Variants in INPP5A observed in about 807,000 individuals in gnomAD.
INPP5A encodes the protein inositol polyphosphate-5-phosphatase A.
In INPP5A, 14 loss-of-function variants were observed where a neutral mutation model predicts 65.2. That is an observed-to-expected ratio of 0.21 (90% confidence interval 0.14 to 0.34). The LOEUF (loss-of-function observed/expected upper bound fraction) is 0.34, where lower values mean the gene tolerates loss of function less well. Ranked by LOEUF, INPP5A falls within the 10% of genes least tolerant of loss-of-function variation. The pLI, the probability that INPP5A is intolerant of heterozygous loss-of-function variation, is 1.00. For missense variants in INPP5A, 431 were observed against 545.6 expected (o/e 0.79, Z 2.09); for synonymous variants, 207 against 208.3 (o/e 0.99, Z 0.05).
chr10:132,570,584 G>A (rs1243125817), intron 1 of INPP5A, among the ~76,000 whole-genome samples: 1 of 152,184 alleles, frequency 6.6e-6, no homozygotes, highest in Non-Finnish European at 1.5e-5. Context: ...GGAGAACTGG[G>A]CAACTTGGCC....
At chr10:132,660,300 T>C (rs1203544058) in intron 4 of INPP5A, among the ~76,000 whole-genome samples, 2 of 152,190 alleles carry the variant, frequency 1.3e-5, no homozygotes, top group Non-Finnish European at 2.9e-5. Context: ...TTTAGAGGTA[T>C]GGAGATAAAT....
chr10:132,711,562 C>A (rs532752476), intron 8 of INPP5A, among the ~76,000 whole-genome samples: 67 of 152,296 alleles, frequency 4.4e-4, no homozygotes, highest in African/African-American at 1.5e-3. Flanking sequence ...CTAGAGGGCC[C>A]CTGACCTGAG....
chr10:132,615,049 A>C (rs1448446291), intron 2 of INPP5A, among the ~76,000 whole-genome samples: 2 of 152,240 alleles, frequency 1.3e-5, no homozygotes, highest in Admixed American at 6.5e-5. Context: ...GTCAGTGTGG[A>C]GGACCCGATA....
At chr10:132,567,040 C>T (rs957780565) in intron 1 of INPP5A, among the ~76,000 whole-genome samples, 3 of 152,200 alleles carry the variant, frequency 2.0e-5, no homozygotes, top group Non-Finnish European at 4.4e-5. Context: ...CTGTAGGCTG[C>T]AGTAACAGAA....
At chr10:132,582,931 G>A (rs1035289474) in intron 1 of INPP5A, among the ~76,000 whole-genome samples, 2 of 152,160 alleles carry the variant, frequency 1.3e-5, no homozygotes, top group East Asian at 1.9e-4. Context: ...GTTGCATTCC[G>A]ACATAGATGT....
At chr10:132,586,562 G>T (rs1054620126) in intron 1 of INPP5A, among the ~76,000 whole-genome samples, 3 of 152,226 alleles carry the variant, frequency 2.0e-5, no homozygotes, top group African/African-American at 4.8e-5. Flanking sequence ...CTTGGCATGG[G>T]GGACTGGAGG....
chr10:132,749,642 C>A, intron 10 of INPP5A, 30 bp downstream of exon 10: 1 of 1,606,388 alleles, frequency 6.2e-7, no homozygotes, highest in Non-Finnish European at 8.5e-7. Flanking sequence ...GGGCAGGTGA[C>A]GCACGGGGCC....
At chr10:132,581,416 G>A (rs1422895827) in intron 1 of INPP5A, among the ~76,000 whole-genome samples, 4 of 152,210 alleles carry the variant, frequency 2.6e-5, no homozygotes, top group Admixed American at 2.6e-4. Context: ...ACCTAGGAGT[G>A]AAGTGGCAAT....
intron 8 of INPP5A, among the ~76,000 whole-genome samples, chr10:132,715,512 C>T (rs985982294): frequency 1.3e-5 from 2 of 152,174 alleles, no homozygotes; most frequent in Non-Finnish European, 2.9e-5. Flanking sequence ...AATTAGTTTC[C>T]CAGGGAGAGG....
At chr10:132,700,264 C>T (rs778859588) in intron 6 of INPP5A, among the ~76,000 whole-genome samples, 5 of 152,246 alleles carry the variant, frequency 3.3e-5, no homozygotes, top group Non-Finnish European at 5.9e-5. Context: ...GGGAAAGCAG[C>T]GTGTCGCTGT....
chr10:132,603,442 A>G lies in INPP5A; in HGVS notation c.76-4473A>G, dbSNP rs1449435206. On this transcript the variant is annotated intron_variant, in intron 1 of 15. Transcript: ENST00000368594. This position sits in a 1 kb window ranked among gnomAD's most constrained non-coding sequence, Gnocchi z 4.2. ...ACGTCATCCCAGTCTGCAGAGCTCC[A>G]GCAAGGAGGACAGGCTGTGCTTCAC... is the stretch of plus-strand genomic sequence containing the variant. Among the ~76,000 whole-genome samples, 1 of 152,234 alleles carries G rather than the reference A, an allele frequency of 6.6e-6. No homozygotes were observed. Among genetic ancestry groups the G allele is most frequent in the Admixed American group, 6.5e-5 (1 of 15,286 alleles).
chr10:132,653,758 C>T (rs937756831), intron 4 of INPP5A, among the ~76,000 whole-genome samples: 1 of 152,222 alleles, frequency 6.6e-6, no homozygotes, highest in Non-Finnish European at 1.5e-5. Context: ...AAGCTAGAAC[C>T]TTCAAAATCT....
chr10:132,757,994 T>C (rs1846659280), intron 11 of INPP5A, among the ~76,000 whole-genome samples: 1 of 142,824 alleles, frequency 7.0e-6, no homozygotes. Flanking sequence ...TGCAATGTTG[T>C]GGGTCTCTGG....
At chr10:132,774,199 G>A (rs1847004251) in intron 12 of INPP5A, among the ~76,000 whole-genome samples, 1 of 152,218 alleles carries the variant, frequency 6.6e-6, no homozygotes, top group African/African-American at 2.4e-5. Flanking sequence ...GGCAGCTGGT[G>A]TGTTTGGAAG....
At chr10:132,619,364 C>T (rs2072082631) in intron 2 of INPP5A, among the ~76,000 whole-genome samples, 1 of 152,256 alleles carries the variant, frequency 6.6e-6, no homozygotes, top group African/African-American at 2.4e-5. Flanking sequence ...TCAGGGCACA[C>T]AGGCTCAAGG....
At position 132,577,490 on chromosome 10, in the gene INPP5A, G is replaced by A. The variant is rs144458571; in HGVS notation, c.76-30425G>A. On this transcript the variant is annotated intron_variant, in intron 1 of 15. Transcript: ENST00000368594. ...GGGCCAGGGAACGGGACATGGCCATGAAAACAGTGGGCCCCTGCTGTCTTG... is the reference window on the plus strand; with the variant it reads ...GGGCCAGGGAACGGGACATGGCCATAAAAACAGTGGGCCCCTGCTGTCTTG... Among the ~76,000 whole-genome samples the A allele has an allele frequency of 3.9e-5, 6 of 152,380 alleles. No homozygotes were observed. The East Asian group carries it at 1.2e-3, about 29-fold the overall frequency.
At chr10:132,752,092 G>GGC in intron 11 of INPP5A, among the ~76,000 whole-genome samples, 1 of 149,674 alleles carries the variant, frequency 6.7e-6, no homozygotes, top group Non-Finnish European at 1.5e-5. Flanking sequence ...GTGCCCAGGA[G>GGC]GTGTCTGGGT....
intron 1 of INPP5A, among the ~76,000 whole-genome samples, chr10:132,541,783 T>A (rs1351483496): frequency 1.3e-5 from 2 of 152,216 alleles, no homozygotes; most frequent in Non-Finnish European, 2.9e-5. Context: ...TGAAAAGGCC[T>A]CCTCAGCCCA....
intron 1 of INPP5A, among the ~76,000 whole-genome samples, chr10:132,562,760 C>A (rs138544219): frequency 2.6e-5 from 4 of 152,258 alleles, no homozygotes; most frequent in Non-Finnish European, 5.9e-5. Flanking sequence ...AGTCACCCCA[C>A]GCCCAGGACC....
Sources: gnomAD v4.1 joint callset for allele counts (sites outside exome capture counted in the v4.1 genomes callset) on GRCh38, gnomAD v4.1.1 for gene constraint, Gnocchi (gnomAD v3.1) non-coding constraint, MANE v1.5 for transcripts, NCBI Gene and HGNC (gene_info 2026-07-23, HGNC 2026-07-21) for gene names.